ADAM12: variants seen among roughly 807,000 people sequenced by gnomAD.
ADAM12 encodes the protein disintegrin and metalloproteinase domain-containing protein 12.
ADAM12 carries 70 observed loss-of-function variants against 106.4 expected under a neutral mutation model. The ratio of observed to expected loss-of-function variants is 0.66; its 90% confidence interval spans 0.54 to 0.80. The LOEUF (loss-of-function observed/expected upper bound fraction) is 0.80, where lower values mean the gene tolerates loss of function less well. Ranked by LOEUF, ADAM12 falls within the 30% of genes least tolerant of loss-of-function variation. ADAM12 has a pLI of 0.00. For synonymous variants in ADAM12, 420 were observed against 433.5 expected (o/e 0.97, Z 0.39); for missense variants, 1,010 against 1,171.9 (o/e 0.86, Z 2.02).
intron 3 of ADAM12, among the ~76,000 whole-genome samples, chr10:126,259,214 C>G (rs1029571864): frequency 6.6e-6 from 1 of 152,030 alleles, no homozygotes; most frequent in East Asian, 1.9e-4. Context: ...CAGAGTGCAG[C>G]TTTCACCTGG....
chr10:126,132,367 C>T (rs1301590205), intron 5 of ADAM12, among the ~76,000 whole-genome samples: 1 of 152,196 alleles, frequency 6.6e-6, no homozygotes, highest in African/African-American at 2.4e-5. Context: ...AGAAAGAGGT[C>T]CACCTTTCAG....
At position 126,071,641 on chromosome 10, in the gene ADAM12, T is replaced by A; in HGVS notation, c.1159A>T (p.Met387Leu). ...TTCCTGCTGCAACTGCTGAACACCA[T>A]GGGAAATGGGTACCTGAGAAAGGAG... ...MNASTGYPFP[M>L]VFSSCSRKDL... Residue 387 changes from methionine to leucine, a missense_variant, in exon 12 of 23, where the codon ATG becomes TTG. Around this residue, in one of 3 missense-constraint regions of ADAM12, gnomAD observed 615 missense variants for 708.5 expected, o/e 0.87. Transcript: ENST00000448723. 1.9e-6 allele frequency: 3 copies of A among 1,614,012 alleles called. No individual in the cohort carries two copies. The highest frequency in any genetic ancestry group is 2.5e-6 in the Non-Finnish European group (3 of 1,179,986).
At position 126,093,339 on chromosome 10, in the gene ADAM12, C is replaced by G. The variant is rs112182578; in HGVS notation, c.1145+646G>C. Among the ~76,000 whole-genome samples the G allele has an allele frequency of 7.0e-3, 1,065 of 152,282 alleles. 18 individuals are homozygous for G. The highest frequency in any genetic ancestry group is 0.025 in the African/African-American group (1,034 of 41,554). On this transcript the variant is annotated intron_variant, in intron 11 of 22. Transcript: ENST00000448723. ...TGAACACTCCAAATAATGGAACTGT[C>G]TTGCTCTTTTCTGGTTGAACCAAGT...
chr10:126,235,217 C>T (rs905105824), intron 3 of ADAM12, among the ~76,000 whole-genome samples: 1 of 152,226 alleles, frequency 6.6e-6, no homozygotes, highest in Admixed American at 6.5e-5. Flanking sequence ...ATCAGGAAGC[C>T]ACCCCCCAGG....
chr10:126,294,963 C>A (rs533520186), intron 2 of ADAM12, among the ~76,000 whole-genome samples: 14 of 151,720 alleles, frequency 9.2e-5, no homozygotes, highest in African/African-American at 3.4e-4. Flanking sequence ...ACAGTAGGGT[C>A]TTACCTAAAG....
intron 21 of ADAM12, among the ~76,000 whole-genome samples, chr10:126,026,730 A>C (rs543366488): frequency 1.1e-4 from 17 of 152,370 alleles, no homozygotes; most frequent in Non-Finnish European, 2.2e-4. Flanking sequence ...TAATGAGAAC[A>C]AAGAGCCAAC....
chr10:126,191,413 G>A (rs111987018), intron 3 of ADAM12, among the ~76,000 whole-genome samples: 1 of 152,246 alleles, frequency 6.6e-6, no homozygotes, highest in East Asian at 1.9e-4. Flanking sequence ...AAGCCTGGAG[G>A]AAGTCAGCAG....
chr10:126,267,753 G>A (rs1256091974), intron 3 of ADAM12, among the ~76,000 whole-genome samples: 2 of 151,952 alleles, frequency 1.3e-5, no homozygotes, highest in Non-Finnish European at 2.9e-5. Context: ...AGAAGGTATT[G>A]GGGACCCCTA....
intron 3 of ADAM12, among the ~76,000 whole-genome samples, chr10:126,264,203 G>A (rs1413287569): frequency 1.3e-5 from 2 of 152,206 alleles, no homozygotes; most frequent in African/African-American, 4.8e-5. Flanking sequence ...GAACTTCTGT[G>A]ATGCTGATAT....
chr10:126,280,817 T>C (rs1368575554), intron 2 of ADAM12, among the ~76,000 whole-genome samples: 1 of 152,202 alleles, frequency 6.6e-6, no homozygotes, highest in African/African-American at 2.4e-5. Flanking sequence ...GGCCTTGTTT[T>C]TGATGGATTT....
chr10:126,351,182 G>T (rs948453170), intron 1 of ADAM12, among the ~76,000 whole-genome samples: 1 of 152,106 alleles, frequency 6.6e-6, no homozygotes, highest in Non-Finnish European at 1.5e-5. Context: ...GACAACATGT[G>T]CCCTGCTCCC....
Position 126,067,000 on chromosome 10 carries a change from G to T in ADAM12, c.1324-194C>A. The T allele has an allele frequency of 1.8e-6, 1 of 556,778 alleles. No individual in the cohort carries two copies. The allele number at this position is 556,778 out of a possible 1,614,324, so 34.5% of individuals were successfully genotyped here. ...TTTTATGAACCAACTGGGTCTACGA[G>T]TCCCTGGAAAAAGCCAGTAGCACAC... is the stretch of plus-strand genomic sequence containing the variant. On this transcript the variant is annotated intron_variant, in intron 12 of 22. Transcript: ENST00000448723. The surrounding 1 kb of genome is among the most constrained non-coding windows in gnomAD (Gnocchi z 5.1).
intron 3 of ADAM12, among the ~76,000 whole-genome samples, chr10:126,245,688 C>T (rs574945876): frequency 6.6e-6 from 1 of 152,242 alleles, no homozygotes; most frequent in South Asian, 2.1e-4. Flanking sequence ...AGGTTGGGAG[C>T]ACCAGGAAAA....
At chr10:126,201,783 G>T (rs1165122870) in intron 3 of ADAM12, among the ~76,000 whole-genome samples, 1 of 151,998 alleles carries the variant, frequency 6.6e-6, no homozygotes, top group Non-Finnish European at 1.5e-5. Flanking sequence ...AAAGGGAAGT[G>T]GTAAGAACCC....
chr10:126,373,659 A>G (rs186767864), intron 1 of ADAM12, among the ~76,000 whole-genome samples: 1 of 152,376 alleles, frequency 6.6e-6, no homozygotes, highest in East Asian at 1.9e-4. Flanking sequence ...AGACCCAAAG[A>G]ATCATTATCA....
chr10:126,025,133 G>A (rs1953844927), intron 21 of ADAM12, among the ~76,000 whole-genome samples: 1 of 152,194 alleles, frequency 6.6e-6, no homozygotes, highest in Non-Finnish European at 1.5e-5. Flanking sequence ...AAGCCAGAGT[G>A]CCACTTTTTC....
intron 14 of ADAM12, among the ~76,000 whole-genome samples, chr10:126,060,896 T>A (rs1187373174): frequency 1.3e-5 from 2 of 152,176 alleles, no homozygotes; most frequent in Non-Finnish European, 2.9e-5. Flanking sequence ...CAACAAATAC[T>A]TGACAAATGA....
Position 126,098,485 on chromosome 10 carries a change from T to C in ADAM12, c.927A>G (p.Gln309=), listed in dbSNP as rs757466546. 13 of 1,613,844 alleles carry C rather than the reference T, an allele frequency of 8.1e-6. No individual in the cohort carries two copies. Among genetic ancestry groups the C allele is most frequent in the Admixed American group, 1.7e-5 (1 of 60,000 alleles). ...TTGGGGCCATGCCGATGGTGGTCCC[T>C]TGGAAATAAACCCCACTAGGAAATA... is the stretch of plus-strand genomic sequence containing the variant. ...NAQLVSGVYF[Q]GTTIGMAPIM... is the part of the protein sequence containing the mutation. Residue 309 remains glutamine, a synonymous_variant, in exon 10 of 23, where the codon CAA becomes CAG. Transcript: ENST00000448723.
chr10:126,164,574 C>T (rs982002301), intron 3 of ADAM12, among the ~76,000 whole-genome samples: 7 of 152,166 alleles, frequency 4.6e-5, no homozygotes, highest in East Asian at 1.9e-4. Context: ...AACATAGCAC[C>T]GAATAAAGAT....
Sources: gnomAD v4.1 joint callset for allele counts (sites outside exome capture counted in the v4.1 genomes callset) on GRCh38, gnomAD v4.1.1 for gene constraint, gnomAD v4.1.1 regional missense constraint, Gnocchi (gnomAD v3.1) non-coding constraint, MANE v1.5 for transcripts, NCBI Gene and HGNC (gene_info 2026-07-23, HGNC 2026-07-21) for gene names.